Variants in BBS9 observed in about 807,000 individuals in gnomAD.
BBS9 encodes Bardet-Biedl syndrome 9, also known as protein PTHB1.
BBS9 carries 89 observed loss-of-function variants against 117.7 expected under a neutral mutation model. That is an observed-to-expected ratio of 0.76 (90% CI 0.64 to 0.90). The LOEUF is 0.90. Among genes scored for constraint, BBS9 ranks in the 40% least tolerant of loss-of-function variants. The pLI is 0.00. For synonymous variants in BBS9, 379 were observed against 370.9 expected, an observed-to-expected ratio of 1.02 and a Z score of -0.25; for missense variants, 982 against 1,042.2, an observed-to-expected ratio of 0.94 and a Z score of 0.80.
At chr7:33,131,018 A>AT (rs5883385) in intron 1 of BBS9, among the ~76,000 whole-genome samples, 24,647 of 152,224 alleles carry the variant, frequency 0.16, 2,144 homozygotes, top group South Asian at 0.21. Flanking sequence ...ACTTTGAAAT[A>AT]TTTTTGAAAA....
At chr7:33,243,009 T>C (rs896483991) in intron 5 of BBS9, 1 of 518,008 alleles carries the variant, frequency 1.9e-6, no homozygotes, top group South Asian at 1.4e-5. Flanking sequence ...ATGAGGACAA[T>C]AATTCTTGAC....
At chr7:33,614,669 A>G (rs1048248768) in intron 21 of BBS9, among the ~76,000 whole-genome samples, 2 of 152,052 alleles carry the variant, frequency 1.3e-5, no homozygotes, top group African/African-American at 4.8e-5. Context: ...TAATTAACTA[A>G]TTGCTGGAGG....
At chr7:33,464,867 C>T (rs937937457) in intron 19 of BBS9, among the ~76,000 whole-genome samples, 2 of 151,900 alleles carry the variant, frequency 1.3e-5, no homozygotes, top group Non-Finnish European at 2.9e-5. Context: ...CCACTGTCAC[C>T]CAGGCTGGAG....
At chr7:33,619,718 T>A (rs967418517) in intron 21 of BBS9, among the ~76,000 whole-genome samples, 2 of 152,046 alleles carry the variant, frequency 1.3e-5, no homozygotes, top group Non-Finnish European at 2.9e-5. Context: ...TTCACAAATA[T>A]GTTGAAATTA....
chr7:33,599,950 G>A (rs1391961928), intron 21 of BBS9, among the ~76,000 whole-genome samples: 1 of 152,096 alleles, frequency 6.6e-6, no homozygotes, highest in Non-Finnish European at 1.5e-5. Flanking sequence ...CCACTAGAGA[G>A]AGAGCTGCCA....
intron 5 of BBS9, among the ~76,000 whole-genome samples, chr7:33,186,234 A>T (rs1381807147): frequency 6.6e-6 from 1 of 152,194 alleles, no homozygotes; most frequent in Non-Finnish European, 1.5e-5. Flanking sequence ...ATTTCTGACA[A>T]TATTCCAGGT....
At position 33,254,210 on chromosome 7, in the gene BBS9, AC is replaced by A. The variant is rs1796662110; in HGVS notation, c.443-3021del. On this transcript the variant is annotated intron_variant, in intron 5 of 22. Coordinates refer to ENST00000242067, the MANE Select transcript of BBS9 (RefSeq NM_198428.3). ...ATTTCTCACAGCTGACAGTGTCTTC[AC>A]CCCCTTTCTAATTTACCACTTTCTT... Among the ~76,000 whole-genome samples, 3 of 151,860 alleles carry A rather than the reference AC, an allele frequency of 2.0e-5. No individual in the cohort carries two copies. The South Asian group carries it at 6.2e-4, about 32-fold the overall frequency.
intron 4 of BBS9, among the ~76,000 whole-genome samples, chr7:33,157,404 G>T (rs1361161216): frequency 2.0e-5 from 3 of 152,094 alleles, no homozygotes; most frequent in African/African-American, 2.4e-5. Flanking sequence ...TAAAAGCTTT[G>T]TATTCTCTGG....
chr7:33,518,319 C>T (rs1440967460), intron 20 of BBS9, among the ~76,000 whole-genome samples: 6 of 148,186 alleles, frequency 4.0e-5, no homozygotes, highest in Admixed American at 6.8e-5. Context: ...GGCACAATCC[C>T]GGCTCACTGC....
At chr7:33,556,048 G>C (rs994856865) in intron 21 of BBS9, among the ~76,000 whole-genome samples, 2 of 152,268 alleles carry the variant, frequency 1.3e-5, no homozygotes, top group Admixed American at 1.3e-4. Flanking sequence ...ATCACACTTG[G>C]TAGTGCACAA....
chr7:33,269,882 G>A (rs1799481035), intron 7 of BBS9, among the ~76,000 whole-genome samples: 1 of 152,076 alleles, frequency 6.6e-6, no homozygotes, highest in Admixed American at 6.6e-5. Flanking sequence ...AGTTAGCTGG[G>A]TGTGGTGGCG....
chr7:33,469,519 T>C (rs146988250), intron 19 of BBS9, among the ~76,000 whole-genome samples: 121 of 152,222 alleles, frequency 7.9e-4, no homozygotes, highest in Middle Eastern at 3.4e-3. Context: ...TGGAAAATGG[T>C]ATAGAAATTG....
At chr7:33,503,319 A>G (rs1172836660) in intron 19 of BBS9, among the ~76,000 whole-genome samples, 1 of 152,196 alleles carries the variant, frequency 6.6e-6, no homozygotes, top group Admixed American at 6.5e-5. Flanking sequence ...TGAGCCGCAG[A>G]GTTCTCATCT....
chr7:33,379,200 T>C (rs6955727), intron 17 of BBS9, among the ~76,000 whole-genome samples: 4,305 of 152,314 alleles, frequency 0.028, 194 homozygotes, highest in African/African-American at 0.092. Context: ...CAATGCTCTT[T>C]CCATAGATTT....
intron 9 of BBS9, among the ~76,000 whole-genome samples, chr7:33,301,811 T>A (rs1185254181): frequency 2.6e-5 from 4 of 152,132 alleles, no homozygotes; most frequent in Non-Finnish European, 5.9e-5. Flanking sequence ...GATTGCTGGA[T>A]CTTATGGTAG....
chr7:33,175,633 G>T (rs140624208), intron 4 of BBS9, among the ~76,000 whole-genome samples: 1 of 152,072 alleles, frequency 6.6e-6, no homozygotes, highest in African/African-American at 2.4e-5. Context: ...TACCTTACTT[G>T]AACATGGTCT....
intron 5 of BBS9, among the ~76,000 whole-genome samples, chr7:33,221,133 G>T (rs1463735400): frequency 1.3e-5 from 2 of 152,174 alleles, no homozygotes; most frequent in Admixed American, 1.3e-4. Flanking sequence ...GCTCTGCTGT[G>T]TTGGTTGTTT....
chr7:33,499,580 T>C (rs1845173736), intron 19 of BBS9, among the ~76,000 whole-genome samples: 1 of 152,220 alleles, frequency 6.6e-6, no homozygotes, highest in Admixed American at 6.5e-5. Flanking sequence ...GGGGAGCTCC[T>C]GATAGAATTA....
intron 19 of BBS9, among the ~76,000 whole-genome samples, chr7:33,405,535 C>G (rs1443175588): frequency 3.3e-5 from 5 of 152,128 alleles, no homozygotes; most frequent in African/African-American, 1.2e-4. Context: ...TGTTATTGGT[C>G]TATTCAGAGA....
Sources: gnomAD v4.1 joint callset for allele counts (sites outside exome capture counted in the v4.1 genomes callset) on GRCh38, gnomAD v4.1.1 for gene constraint, MANE v1.5 for transcripts, NCBI Gene and HGNC (gene_info 2026-07-23, HGNC 2026-07-21) for gene names.